APBB2: variants seen among roughly 807,000 people sequenced by gnomAD.
APBB2 encodes amyloid beta precursor protein binding family B member 2, also known as Fe65-like 1.
Under a neutral mutation model 82.5 loss-of-function variants are expected in APBB2, and 38 were observed. The ratio of observed to expected loss-of-function variants is 0.46; its 90% confidence interval spans 0.36 to 0.60. The LOEUF (loss-of-function observed/expected upper bound fraction) is 0.60. Ranked by LOEUF, APBB2 falls within the 20% of genes least tolerant of loss-of-function variation. The pLI, the probability that APBB2 is intolerant of heterozygous loss-of-function variation, is 0.00. For missense variants in APBB2, 772 were observed against 972.3 expected, an observed-to-expected ratio of 0.79 and a Z score of 2.74; for synonymous variants, 341 against 368.2, an observed-to-expected ratio of 0.93 and a Z score of 0.85.
At chr4:40,965,237 C>A (rs1485602319) in intron 6 of APBB2, among the ~76,000 whole-genome samples, 3 of 152,054 alleles carry the variant, frequency 2.0e-5, no homozygotes, top group African/African-American at 7.2e-5. Flanking sequence ...GCTTTGCATG[C>A]GTGGAGCAGG....
intron 4 of APBB2, among the ~76,000 whole-genome samples, chr4:41,040,658 T>G (rs1353252219): frequency 6.6e-6 from 1 of 152,154 alleles, no homozygotes; most frequent in Non-Finnish European, 1.5e-5. Flanking sequence ...TTTGGAACTC[T>G]TCTCTCCAAG....
At chr4:41,094,090 C>T (rs1022251673) in intron 3 of APBB2, among the ~76,000 whole-genome samples, 15 of 151,956 alleles carry the variant, frequency 9.9e-5, no homozygotes, top group African/African-American at 3.4e-4. Context: ...ATGTTGTATA[C>T]TATAAATGTA....
At chr4:41,092,737 T>C (rs1742209482) in intron 3 of APBB2, among the ~76,000 whole-genome samples, 1 of 151,206 alleles carries the variant, frequency 6.6e-6, no homozygotes, top group Admixed American at 6.6e-5. Flanking sequence ...TTCATTCAAC[T>C]GTGCTTGCTC....
chr4:41,072,763 G>A (rs1490962895), intron 3 of APBB2, among the ~76,000 whole-genome samples: 1 of 152,174 alleles, frequency 6.6e-6, no homozygotes, highest in East Asian at 1.9e-4. Context: ...AATTCAATAA[G>A]CAGAATCTCC....
chr4:40,999,943 T>C (rs1419136298), intron 6 of APBB2, among the ~76,000 whole-genome samples: 2 of 151,692 alleles, frequency 1.3e-5, no homozygotes, highest in South Asian at 2.1e-4. Flanking sequence ...TCTATAATCC[T>C]AGCACTTTGA....
In APBB2 at chr4:40,826,466, G is replaced by T. The variant is rs1749975142; in HGVS notation, c.1733-496C>A. On this transcript the variant is annotated intron_variant, in intron 14 of 17. Coordinates refer to ENST00000508593, the MANE Select transcript of APBB2 (RefSeq NM_004307.2). This position sits in a 1 kb window ranked among gnomAD's most constrained non-coding sequence, Gnocchi z 4.5. Reference sequence around the variant, plus strand: ...GCTCGCTGCAACCTCCATCTCCTGGGTTCTAGCAATTCTACAGGTGCATGC... The same window carrying T: ...GCTCGCTGCAACCTCCATCTCCTGGTTTCTAGCAATTCTACAGGTGCATGC... 6.6e-6 allele frequency among the ~76,000 whole-genome samples: 1 copy of T among 151,920 alleles called. No individual in the cohort carries two copies. Among genetic ancestry groups the T allele is most frequent in the South Asian group, 2.1e-4 (1 of 4,814 alleles).
At chr4:41,188,844 G>A (rs1192385686) in intron 1 of APBB2, among the ~76,000 whole-genome samples, 1 of 152,008 alleles carries the variant, frequency 6.6e-6, no homozygotes, top group African/African-American at 2.4e-5. Flanking sequence ...AGCCTGGGAG[G>A]CACAGATGCA....
intron 4 of APBB2, among the ~76,000 whole-genome samples, chr4:41,063,386 G>A (rs1158081294): frequency 1.3e-5 from 2 of 152,226 alleles, no homozygotes; most frequent in Non-Finnish European, 2.9e-5. Flanking sequence ...ACAGTATGCA[G>A]ATCCCTGTTA....
At chr4:41,116,285 A>G (rs1197937099) in intron 2 of APBB2, among the ~76,000 whole-genome samples, 1 of 152,156 alleles carries the variant, frequency 6.6e-6, no homozygotes, top group East Asian at 1.9e-4. Context: ...GGACACAGGG[A>G]GAGGAAGATC....
At position 41,014,214 on chromosome 4, in the gene APBB2, T is replaced by C. The variant is rs370344840; in HGVS notation, c.204A>G (p.Lys68=). Residue 68 remains lysine, a synonymous_variant, in exon 6 of 18, where the codon AAA becomes AAG. Coordinates refer to ENST00000508593, the MANE Select transcript of APBB2 (RefSeq NM_004307.2). Reference sequence around the variant, plus strand: ...CCTGGATGTTAGTTAGTGCATATTTTTTCCTGCATTTGGGAGGTGTGCTGT... The same window carrying C: ...CCTGGATGTTAGTTAGTGCATATTTCTTCCTGCATTTGGGAGGTGTGCTGT... ...TKNSTPPKCR[K]KYALTNIQAA... The C allele has an allele frequency of 1.9e-5, 30 of 1,614,122 alleles. No individual in the cohort carries two copies. The highest frequency in any genetic ancestry group is 2.5e-5 in the Non-Finnish European group (29 of 1,180,054).
At chr4:41,032,360 G>C (rs1717146195) in intron 5 of APBB2, among the ~76,000 whole-genome samples, 1 of 151,924 alleles carries the variant, frequency 6.6e-6, no homozygotes, top group African/African-American at 2.4e-5. Context: ...GTGAGGCTAG[G>C]GATTAAATCC....
At chr4:40,875,958 G>A (rs998590276) in intron 12 of APBB2, among the ~76,000 whole-genome samples, 22 of 152,136 alleles carry the variant, frequency 1.4e-4, no homozygotes, top group African/African-American at 5.3e-4. Flanking sequence ...TGTTTTATTA[G>A]GCTGTGTCTA....
chr4:40,816,691 A>G lies in APBB2; in HGVS notation c.2113-432T>C, dbSNP rs74289105. Among the ~76,000 whole-genome samples the G allele has an allele frequency of 1.2e-3, 187 of 152,364 alleles. 4 individuals carry two copies. The East Asian group carries it at 0.033, about 27-fold the overall frequency. ...TTAAGGTCTATCACTTGTGAACCCC[A>G]GACGAATTATTAAATCTCTCTGAGC... is the stretch of plus-strand genomic sequence containing the variant. On this transcript the variant is annotated intron_variant, in intron 17 of 17. Transcript: ENST00000508593.
intron 3 of APBB2, among the ~76,000 whole-genome samples, chr4:41,085,242 C>A (rs1739210896): frequency 1.5e-5 from 2 of 137,232 alleles, no homozygotes; most frequent in Admixed American, 1.5e-4. Flanking sequence ...CAGAGTGAGA[C>A]TCTGTCTCAA....
chr4:40,978,801 T>C (rs567583881), intron 6 of APBB2, among the ~76,000 whole-genome samples: 143 of 152,296 alleles, frequency 9.4e-4, no homozygotes, highest in Middle Eastern at 3.4e-3. Flanking sequence ...TCCATTTCAG[T>C]TAGTAACTAA....
chr4:41,137,262 G>A (rs1757835055), intron 2 of APBB2, among the ~76,000 whole-genome samples: 1 of 152,184 alleles, frequency 6.6e-6, no homozygotes, highest in Non-Finnish European at 1.5e-5. Flanking sequence ...TGCCAGCCTT[G>A]TAAAACCTTC....
intron 12 of APBB2, among the ~76,000 whole-genome samples, chr4:40,842,062 C>T (rs559759248): frequency 6.9e-4 from 105 of 152,324 alleles, no homozygotes; most frequent in African/African-American, 2.4e-3. Flanking sequence ...TCACTCCCTG[C>T]CACACTGATG....
intron 1 of APBB2, among the ~76,000 whole-genome samples, chr4:41,150,239 T>C (rs748793395): frequency 6.6e-6 from 1 of 152,232 alleles, no homozygotes; most frequent in Non-Finnish European, 1.5e-5. Flanking sequence ...CAATAAATTG[T>C]GTAATTCAAG....
intron 10 of APBB2, among the ~76,000 whole-genome samples, chr4:40,907,858 G>A (rs1777470027): frequency 6.6e-6 from 1 of 151,218 alleles, no homozygotes; most frequent in South Asian, 2.1e-4. Context: ...TTGTAGAAAT[G>A]GAGTTTCACC....
Sources: allele counts gnomAD v4.1 joint callset (sites outside exome capture counted in the v4.1 genomes callset), GRCh38; gene constraint gnomAD v4.1.1; non-coding constraint Gnocchi (gnomAD v3.1); transcripts MANE v1.5; gene names NCBI Gene and HGNC (gene_info 2026-07-23, HGNC 2026-07-21).